EYA1: variants seen among roughly 807,000 people sequenced by gnomAD.
EYA1 encodes the protein protein phosphatase EYA1.
Under a neutral mutation model 82.0 loss-of-function variants are expected in EYA1, and 16 were observed. That is an observed-to-expected ratio of 0.20 (90% confidence interval 0.13 to 0.30). EYA1 has a LOEUF of 0.30. Ranked by LOEUF, EYA1 falls within the 10% of genes least tolerant of loss-of-function variation. The pLI is 1.00. For synonymous variants in EYA1, 261 were observed against 264.4 expected (o/e 0.99, Z 0.12); for missense variants, 633 against 730.7 (o/e 0.87, Z 1.54).
chr8:71,269,863 C>A, intron 10 of EYA1, 40 bp from the exon 11 acceptor site: 1 of 1,503,716 alleles, frequency 6.7e-7, no homozygotes, highest in Non-Finnish European at 9.3e-7. Flanking sequence ...TTTGCCTTGG[C>A]TGAGAAAGCT....
intron 7 of EYA1, among the ~76,000 whole-genome samples, chr8:71,311,164 C>G (rs1166854919): frequency 1.3e-5 from 2 of 152,136 alleles, no homozygotes; most frequent in African/African-American, 4.8e-5. Flanking sequence ...AACCATAAAT[C>G]TATATTATAT....
chr8:71,262,206 A>G (rs1428691658), intron 11 of EYA1, among the ~76,000 whole-genome samples: 1 of 152,240 alleles, frequency 6.6e-6, no homozygotes, highest in African/African-American at 2.4e-5. Flanking sequence ...GTGAGATAGC[A>G]GTGTAAACCA....
At chr8:71,392,122 A>G (rs893216013) in intron 2 of EYA1, among the ~76,000 whole-genome samples, 1 of 152,196 alleles carries the variant, frequency 6.6e-6, no homozygotes, top group Non-Finnish European at 1.5e-5. Context: ...TGCTTTCCCA[A>G]TTCCTCTGTA....
At chr8:71,269,587 T>C (rs943735753) in intron 11 of EYA1, among the ~76,000 whole-genome samples, 153 bp downstream of exon 11, 3 of 152,208 alleles carry the variant, frequency 2.0e-5, no homozygotes, top group Non-Finnish European at 4.4e-5. Flanking sequence ...CTTTTACATA[T>C]TTTTTACCTT....
At position 71,387,129 on chromosome 8, in the gene EYA1, T is replaced by C. The variant is rs796196967; in HGVS notation, c.34-30618A>G. Among the ~76,000 whole-genome samples, 10 of 152,252 alleles carry C rather than the reference T, an allele frequency of 6.6e-5. No individual in the cohort carries two copies. In the South Asian group the frequency reaches 1.7e-3, roughly 25 times the overall value. On this transcript the variant is annotated intron_variant, in intron 2 of 18. Coordinates refer to the EYA1 transcript ENST00000643681. ...GTGATGCGATCGACTTCTGTAAAGA[T>C]AGACTACTTTAGGGGAGTAGAGGAA... is the stretch of plus-strand genomic sequence containing the variant.
At chr8:71,304,624 C>G (rs1178413662) in intron 7 of EYA1, among the ~76,000 whole-genome samples, 1 of 142,194 alleles carries the variant, frequency 7.0e-6, no homozygotes, top group African/African-American at 2.5e-5. Flanking sequence ...ATTTTTAGTA[C>G]CAATTCAGGA....
In EYA1 at chr8:71,357,985, T is replaced by C. The variant is rs191397377; in HGVS notation, c.-54-1474A>G. ...AAATTTCCTTTTTCTTTTTTTTTTT[T>C]CTCCACTTTTATACACCTGGAATAA... On this transcript the variant is annotated intron_variant, in intron 1 of 17. Coordinates refer to ENST00000340726, the MANE Select transcript of EYA1 (RefSeq NM_000503.6). 1.6e-3 allele frequency among the ~76,000 whole-genome samples: 245 copies of C among 152,002 alleles called. 1 individual carries two copies. Among genetic ancestry groups the C allele is most frequent in the Admixed American group, 4.1e-3 (62 of 15,294 alleles).
At chr8:71,341,799 C>T (rs930271698) in intron 3 of EYA1, among the ~76,000 whole-genome samples, 3 of 152,150 alleles carry the variant, frequency 2.0e-5, no homozygotes, top group African/African-American at 7.2e-5. Context: ...TTATGAAAAC[C>T]AAATAAACAC....
intron 3 of EYA1, among the ~76,000 whole-genome samples, chr8:71,343,345 T>C (rs1486197985): frequency 2.6e-5 from 4 of 152,158 alleles, no homozygotes; most frequent in Non-Finnish European, 1.5e-5. Flanking sequence ...CAAAACAAAT[T>C]TTGAAACTTA....
intron 17 of EYA1, among the ~76,000 whole-genome samples, chr8:71,201,659 C>G (rs768159937): frequency 1.5e-4 from 23 of 152,176 alleles, no homozygotes; most frequent in Non-Finnish European, 2.6e-4. Flanking sequence ...TGTACATACT[C>G]AAACATACTT....
At chr8:71,231,361 G>A (rs1262766289) in intron 12 of EYA1, among the ~76,000 whole-genome samples, 1 of 152,152 alleles carries the variant, frequency 6.6e-6, no homozygotes, top group Non-Finnish European at 1.5e-5. Flanking sequence ...CATGGCTTCT[G>A]TCTTTCTTTC....
intron 2 of EYA1, among the ~76,000 whole-genome samples, chr8:71,493,323 T>G (rs1811157729): frequency 6.6e-6 from 1 of 152,234 alleles, no homozygotes; most frequent in African/African-American, 2.4e-5. Flanking sequence ...ATCTTGTTCT[T>G]TCTTCCACTT....
At chr8:71,477,603 C>T (rs1339969685) in intron 2 of EYA1, among the ~76,000 whole-genome samples, 1 of 151,766 alleles carries the variant, frequency 6.6e-6, no homozygotes, top group South Asian at 2.1e-4. Flanking sequence ...ATAAATTAGG[C>T]ACCCTCATGT....
intron 7 of EYA1, among the ~76,000 whole-genome samples, chr8:71,305,280 C>T (rs1401097413): frequency 7.0e-6 from 1 of 142,994 alleles, no homozygotes; most frequent in Non-Finnish European, 1.6e-5. Context: ...TTTTACATCA[C>T]ATTATATCAT....
intron 9 of EYA1, among the ~76,000 whole-genome samples, chr8:71,288,737 A>G (rs961341540): frequency 6.6e-6 from 1 of 152,250 alleles, no homozygotes; most frequent in Non-Finnish European, 1.5e-5. Flanking sequence ...AAACCAATTC[A>G]TGCTTACCTA....
At chr8:71,275,607 CAA>C (rs1199951956) in intron 9 of EYA1, among the ~76,000 whole-genome samples, 1 of 152,092 alleles carries the variant, frequency 6.6e-6, no homozygotes, top group East Asian at 1.9e-4. Flanking sequence ...AAACCAAAGT[CAA>C]TGTATGGCAG....
At chr8:71,532,384 C>T (rs748656846) in intron 2 of EYA1, among the ~76,000 whole-genome samples, 2 of 152,198 alleles carry the variant, frequency 1.3e-5, no homozygotes, top group Non-Finnish European at 2.9e-5. Context: ...CCAGCCTCCT[C>T]CTCAGCCCAG....
rs570204629 is a variant in EYA1 at position 71,349,115 on chromosome 8, G to A, written c.124+5667C>T. 2.6e-5 allele frequency among the ~76,000 whole-genome samples: 4 copies of A among 152,292 alleles called. No homozygotes were observed. The East Asian group carries it at 5.8e-4, about 22-fold the overall frequency. ...AAATTATAATTAAGTCTAAGGATTT[G>A]AAAACAATCCCCTAAAGTTAACCTA... On this transcript the variant is annotated intron_variant, in intron 3 of 17. Transcript: ENST00000340726.
intron 2 of EYA1, among the ~76,000 whole-genome samples, chr8:71,386,924 T>C (rs887183683): frequency 3.3e-5 from 5 of 152,218 alleles, no homozygotes; most frequent in African/African-American, 1.2e-4. Context: ...TCTTGCTGAC[T>C]GTAGCTTTGT....
Sources: gnomAD v4.1 joint callset for allele counts (sites outside exome capture counted in the v4.1 genomes callset) on GRCh38, gnomAD v4.1.1 for gene constraint, MANE v1.5 for transcripts, NCBI Gene and HGNC (gene_info 2026-07-23, HGNC 2026-07-21) for gene names.